Variants in TFB1M observed in about 807,000 individuals in gnomAD.
The protein encoded by TFB1M is dimethyladenosine transferase 1, mitochondrial.
TFB1M carries 27 observed loss-of-function variants against 31.1 expected under a neutral mutation model. That is an observed-to-expected ratio of 0.87 (90% CI 0.64 to 1.20). TFB1M has a LOEUF of 1.20. Among genes scored for constraint, TFB1M ranks in the 50% most tolerant of loss-of-function variants. The pLI is 0.00. For synonymous variants in TFB1M, 166 were observed against 151.8 expected (o/e 1.09, Z -0.69); for missense variants, 394 against 418.7 (o/e 0.94, Z 0.51).
chr6:155,259,432 A>G (rs1784288665), intron 6 of TFB1M, among the ~76,000 whole-genome samples: 1 of 152,224 alleles, frequency 6.6e-6, no homozygotes, highest in South Asian at 2.1e-4. Flanking sequence ...GGCTTTGTGG[A>G]CTGCAGCACT....
rs1784183864 is a variant in TFB1M, at chr6:155,257,959, T to TACATC, written c.913_917dup (p.Tyr307MetfsTer64). ...GGTCTTCATCACACATTTTTCTGTA[T>TACATC]ACATCACAGAGGCTCTTAAAGTGTG... On this transcript the variant is annotated frameshift_variant, in exon 7 of 7. Transcript: ENST00000367166. LOFTEE classifies it low-confidence loss of function (END_TRUNC). 1.2e-6 allele frequency: 2 copies of TACATC among 1,614,094 alleles called. No homozygotes were observed. Among genetic ancestry groups the TACATC allele is most frequent in the South Asian group, 2.2e-5 (2 of 91,094 alleles).
chr6:155,248,320 C>G, the TFB1M span: 1 of 994,548 alleles, frequency 1.0e-6, no homozygotes, highest in Non-Finnish European at 1.4e-6. Context: ...GATGGTTAAT[C>G]TTAGGTTTCA....
At chr6:155,292,240 G>A (rs1047322674) in intron 4 of TFB1M, among the ~76,000 whole-genome samples, 1 of 152,200 alleles carries the variant, frequency 6.6e-6, no homozygotes, top group African/African-American at 2.4e-5. Flanking sequence ...GACTACCAGA[G>A]ACATGGAAAA....
rs11455127 is a variant in TFB1M at position 155,257,190 on chromosome 6, C to CAA, written c.*644_*645dup. On this transcript the variant is annotated 3_prime_UTR_variant, in exon 7 of 7. Coordinates refer to ENST00000367166, the MANE Select transcript of TFB1M (RefSeq NM_016020.4). ...TAAACTGGTGGTAAAGTGGAAATTGCAAAAAAAAAAAAAAAAAAAAACTGT... is the reference window on the plus strand; with the variant it reads ...TAAACTGGTGGTAAAGTGGAAATTGCAAAAAAAAAAAAAAAAAAAAAAACTGT... 0.018 allele frequency: 9,663 copies of CAA among 542,800 alleles called. 22 individuals are homozygous for CAA. The highest frequency in any genetic ancestry group is 0.02 in the Non-Finnish European group (7,291 of 357,634). 33.6% of individuals were successfully genotyped at this position (542,800 alleles called of 1,614,324 possible).
intron 2 of TFB1M, chr6:155,303,265 C>A (rs1168873911): frequency 6.6e-6 from 1 of 152,146 alleles, no homozygotes; most frequent in Non-Finnish European, 1.5e-5. Context: ...AACACTAAAC[C>A]AAATTTCACC....
chr6:155,275,851 T>C, intron 5 of TFB1M: 3 of 1,614,142 alleles, frequency 1.9e-6, no homozygotes, highest in Non-Finnish European at 2.5e-6. Context: ...TAACAGCCAT[T>C]GTACAGCTGC....
intron 2 of TFB1M, chr6:155,299,397 T>G (rs1388272137): frequency 6.6e-6 from 1 of 152,246 alleles, no homozygotes; most frequent in African/African-American, 2.4e-5. Context: ...ACTTTATAGC[T>G]AAGTTATCTA....
intron 5 of TFB1M, among the ~76,000 whole-genome samples, chr6:155,280,422 G>A (rs561470071): frequency 7.9e-5 from 12 of 152,316 alleles, no homozygotes; most frequent in Admixed American, 3.9e-4. Flanking sequence ...ACACAGACGC[G>A]TGGGGCAATT....
At chr6:155,246,462 A>G in the TFB1M span, among the ~76,000 whole-genome samples, 1 of 152,108 alleles carries the variant, frequency 6.6e-6, no homozygotes. Flanking sequence ...TCCTCCCACA[A>G]ACACCCTCTT....
rs1048584 is a variant in TFB1M, at chr6:155,257,465, A to T, written c.*371T>A. 0.64 allele frequency: 206,349 copies of T among 320,878 alleles called. 68,341 individuals carry two copies. Among genetic ancestry groups the T allele is most frequent in the East Asian group, 0.98 (12,948 of 13,216 alleles). The allele number at this position is 320,878 out of a possible 1,614,324, so 19.9% of individuals were successfully genotyped here. A position where few individuals can be genotyped will look rare whatever the true frequency, so the allele number is the denominator to read the frequency against. Reference sequence around the variant, plus strand: ...AATAGTTTTCAAAGGGCCATTTTTTAAAATCCTCTGGGCATTTTCTTTCAG... The same window carrying T: ...AATAGTTTTCAAAGGGCCATTTTTTTAAATCCTCTGGGCATTTTCTTTCAG... On this transcript the variant is annotated 3_prime_UTR_variant, in exon 7 of 7. Transcript: ENST00000367166.
chr6:155,255,261 T>C (rs1783925914), downstream of TFB1M: 4 of 152,218 alleles, frequency 2.6e-5, no homozygotes, highest in Admixed American at 2.6e-4. Flanking sequence ...TTGATTGGGA[T>C]GTAATGCCAT....
At chr6:155,245,780 A>G in the TFB1M span, 1 of 907,436 alleles carries the variant, frequency 1.1e-6, no homozygotes, top group Non-Finnish European at 1.5e-6. Context: ...TGCATTTTTA[A>G]CTGTTAGTAA....
In TFB1M at chr6:155,256,895, TG is replaced by T. The variant is rs1261069134; in HGVS notation, c.*940del. 1.2e-6 allele frequency: 2 copies of T among 1,614,008 alleles called. No individual in the cohort carries two copies. Among genetic ancestry groups the T allele is most frequent in the Non-Finnish European group, 1.7e-6 (2 of 1,180,020 alleles). ...CAGAAAGGAGGAGAGCAGCCCAAAC[TG>T]GTCCGGGGGCACTTCTGCCCCATTA... On this transcript the variant is annotated 3_prime_UTR_variant, in exon 7 of 7. Transcript: ENST00000367166.
At chr6:155,267,043 C>T (rs1272653919) in intron 5 of TFB1M, among the ~76,000 whole-genome samples, 7 of 148,328 alleles carry the variant, frequency 4.7e-5, no homozygotes, top group East Asian at 2.0e-4. Context: ...GGCATGATCT[C>T]GGCTCACTGC....
intron 3 of TFB1M, 68 bp from the exon 4 acceptor site, chr6:155,297,172 G>T: frequency 6.5e-7 from 1 of 1,530,306 alleles, no homozygotes; most frequent in South Asian, 1.1e-5. Flanking sequence ...TTTCAGTGAC[G>T]AGTAAAATCA....
At chr6:155,237,234 CA>C in the TFB1M span, among the ~76,000 whole-genome samples, 1 of 152,214 alleles carries the variant, frequency 6.6e-6, no homozygotes, top group Non-Finnish European at 1.5e-5. Context: ...CTTAAAGCTC[CA>C]AAATGATCTC....
Position 155,256,837 on chromosome 6 carries a change from G to A in TFB1M, c.*999C>T. 6.2e-7 allele frequency: 1 copy of A among 1,614,228 alleles called. No homozygotes were observed. The highest frequency in any genetic ancestry group is 2.2e-5 in the East Asian group (1 of 44,886). Reference sequence around the variant, plus strand: ...GGACCCAGACGTTCACCCCGAGGCTGAGCAGCAGCCTGGCCCGGAGTCGGG... The same window carrying A: ...GGACCCAGACGTTCACCCCGAGGCTAAGCAGCAGCCTGGCCCGGAGTCGGG... On this transcript the variant is annotated 3_prime_UTR_variant, in exon 7 of 7. Transcript: ENST00000367166.
At chr6:155,287,518 A>C (rs941030996) in intron 4 of TFB1M, among the ~76,000 whole-genome samples, 5 of 148,516 alleles carry the variant, frequency 3.4e-5, no homozygotes, top group Non-Finnish European at 7.4e-5. Flanking sequence ...TTTGTATAAA[A>C]TCTTGAAAAG....
At chr6:155,314,205 G>A in intron 1 of TFB1M, 91 bp downstream of exon 1, 1 of 1,572,098 alleles carries the variant, frequency 6.4e-7, no homozygotes, top group Non-Finnish European at 8.6e-7. Flanking sequence ...CCAGTGCCTG[G>A]ACACCCGCCC....
Sources: gnomAD v4.1 joint callset for allele counts (sites outside exome capture counted in the v4.1 genomes callset) on GRCh38, gnomAD v4.1.1 for gene constraint, MANE v1.5 for transcripts, NCBI Gene and HGNC (gene_info 2026-07-23, HGNC 2026-07-21) for gene names.